C6orf136: variants seen among roughly 807,000 people sequenced by gnomAD.
The protein encoded by C6orf136 is chromosome 6 open reading frame 136.
Under a neutral mutation model 44.0 loss-of-function variants are expected in C6orf136, and 29 were observed. That is an observed-to-expected ratio of 0.66 (90% CI 0.49 to 0.90). C6orf136 has a LOEUF of 0.90. Ranked by LOEUF, C6orf136 falls within the 40% of genes least tolerant of loss-of-function variation. The pLI, the probability that C6orf136 is intolerant of heterozygous loss-of-function variation, is 0.00. For missense variants in C6orf136, 628 were observed against 669.3 expected, an observed-to-expected ratio of 0.94 and a Z score of 0.68; for synonymous variants, 293 against 278.6, an observed-to-expected ratio of 1.05 and a Z score of -0.52.
At chr6:30,648,782 G>A (rs1240981916) in intron 1 of C6orf136, among the ~76,000 whole-genome samples, 2 of 149,232 alleles carry the variant, frequency 1.3e-5, no homozygotes, top group Non-Finnish European at 3.0e-5. Context: ...CGAGGTGGGC[G>A]GATTACCTGA....
At chr6:30,648,970 T>A (rs1230620846) in intron 1 of C6orf136, among the ~76,000 whole-genome samples, 1 of 150,674 alleles carries the variant, frequency 6.6e-6, no homozygotes, top group African/African-American at 2.4e-5. Flanking sequence ...TTCGCGCCAA[T>A]GCACTCCAGC....
intron 3 of C6orf136, 64 bp downstream of exon 3, chr6:30,651,146 C>A: frequency 6.4e-7 from 1 of 1,562,256 alleles, no homozygotes; most frequent in Non-Finnish European, 8.8e-7. Flanking sequence ...ATACATGACC[C>A]TTTTCACTTC....
In C6orf136 at chr6:30,652,925, TTGGAG is replaced by T. The variant is rs1767581300; in HGVS notation, c.*16_*20del. 6.2e-7 allele frequency: 1 copy of T among 1,608,936 alleles called. No homozygotes were observed. The highest frequency in any genetic ancestry group is 1.7e-5 in the Admixed American group (1 of 60,002). ...GTGTTCCAAGCCCTGATCCTTGACC[TTGGAG>T]TGGAGGCAGCACTGAAGACTGCTAC... On this transcript the variant is annotated 3_prime_UTR_variant, in exon 6 of 6. Transcript: ENST00000651131.
intron 1 of C6orf136, 66 bp from the exon 2 acceptor site, chr6:30,649,492 C>A (rs1582906586): frequency 6.9e-7 from 1 of 1,446,458 alleles, no homozygotes; most frequent in Non-Finnish European, 9.3e-7. Flanking sequence ...TGTTGAGCAT[C>A]CAGGGGATCA....
rs1415709375 is a variant in C6orf136 at position 30,649,658 on chromosome 6, C to G, written c.716C>G (p.Pro239Arg). Reference protein sequence around the residue: ...SSPLFWSPLPPRLPTQRLPQV... With the variant: ...SSPLFWSPLPRRLPTQRLPQV... ...CCTCTATTCTGGTCTCCCCTGCCCC[C>G]ACGCCTTCCCACCCAGCGTCTTCCC... The change falls in exon 2 of 6, where the codon CCA becomes CGA. Residue 239 changes from proline to arginine, a missense_variant. Coordinates refer to ENST00000651131, the MANE Select transcript of C6orf136 (RefSeq NM_001161376.2). 6.2e-7 allele frequency: 1 copy of G among 1,607,194 alleles called. No homozygotes were observed. The highest frequency in any genetic ancestry group is 1.7e-5 in the Admixed American group (1 of 57,400).
Position 30,647,427 on chromosome 6 carries a change from A to C in C6orf136, c.196A>C (p.Thr66Pro), listed in dbSNP as rs1766942146. ...GCAGAGACACCCGCCGCCCCTTCCCACCTGTGCCCTGCAGCGCGTGGACAG... is the reference window on the plus strand; with the variant it reads ...GCAGAGACACCCGCCGCCCCTTCCCCCCTGTGCCCTGCAGCGCGTGGACAG... The part of the protein sequence containing the change: ...QAQRHPPPLP[T>P]CALQRVDRLG... The change falls in exon 1 of 6, where the codon ACC becomes CCC. Residue 66 changes from threonine to proline, a missense_variant. Physicochemically the swap from Thr to Pro is conservative, Grantham distance 38. Transcript: ENST00000651131. This position sits in a 1 kb window ranked among gnomAD's most constrained non-coding sequence, Gnocchi z 4.8. The C allele has an allele frequency of 1.4e-6, 2 of 1,469,910 alleles. No individual in the cohort carries two copies. The highest frequency in any genetic ancestry group is 3.6e-4 in the Middle Eastern group (2 of 5,584). The allele number at this position is 1,469,910 out of a possible 1,614,324, so 91.1% of individuals were successfully genotyped here.
At position 30,649,962 on chromosome 6, in the gene C6orf136, A is replaced by C. The variant is rs1170721457; in HGVS notation, c.1017+3A>C. On this transcript the variant is annotated splice_donor_region_variant and intron_variant, in intron 2 of 5. Transcript: ENST00000651131. ...TGTATGAGAGACTGAGACAAGAGGT[A>C]AGTCAGTGCAAAAGTGGCCTTCGTC... 1 of 1,611,666 alleles carries C rather than the reference A, an allele frequency of 6.2e-7. No homozygotes were observed. The highest frequency in any genetic ancestry group is 8.5e-7 in the Non-Finnish European group (1 of 1,179,712).
intron 2 of C6orf136, among the ~76,000 whole-genome samples, chr6:30,650,749 C>T (rs1189960637): frequency 6.7e-6 from 1 of 150,182 alleles, no homozygotes; most frequent in African/African-American, 2.5e-5. Context: ...TACCTCTGCA[C>T]TCCAGCCTGG....
intron 3 of C6orf136, 35 bp from the exon 4 acceptor site, chr6:30,651,231 C>T (rs1767377576): frequency 6.2e-7 from 1 of 1,610,772 alleles, no homozygotes; most frequent in South Asian, 1.1e-5. Flanking sequence ...CTAATTCTGC[C>T]ATCATGAGAT....
intron 1 of C6orf136, among the ~76,000 whole-genome samples, chr6:30,648,670 G>C (rs1440914521): frequency 6.9e-6 from 1 of 145,194 alleles, no homozygotes; most frequent in Non-Finnish European, 1.5e-5. Context: ...AAAGTGCTGG[G>C]ATTACAGGCG....
chr6:30,649,694 C>A lies in C6orf136; in HGVS notation c.752C>A (p.Pro251Gln). The change falls in exon 2 of 6, where the codon CCA becomes CAA. Residue 251 changes from proline (P) to glutamine (Q), a missense_variant. Pro to Gln is a moderately conservative substitution (Grantham distance 76). Transcript: ENST00000651131. ...ACCCAGCGTCTTCCCCAGGTTCCCC[C>A]ACTACCTCTCCCTCAGATCCAGGCC... The part of the protein sequence containing the change: ...LPTQRLPQVP[P>Q]LPLPQIQALS... The A allele has an allele frequency of 6.2e-7, 1 of 1,611,978 alleles. No homozygotes were observed.
At chr6:30,649,984 C>T (rs765614940) in intron 2 of C6orf136, 25 bp downstream of exon 2, 8 of 1,603,802 alleles carry the variant, frequency 5.0e-6, no homozygotes, top group South Asian at 1.1e-5. Flanking sequence ...AAGTGGCCTT[C>T]GTCTACAGTG....
chr6:30,651,940 A>C (rs556124120), intron 4 of C6orf136, among the ~76,000 whole-genome samples: 3 of 152,240 alleles, frequency 2.0e-5, no homozygotes, highest in South Asian at 2.1e-4. Flanking sequence ...TGCCTAGCAC[A>C]TGGTAGGTAC....
chr6:30,652,061 G>A (rs1767472015), intron 4 of C6orf136, among the ~76,000 whole-genome samples: 1 of 151,062 alleles, frequency 6.6e-6, no homozygotes, highest in Admixed American at 6.6e-5. Flanking sequence ...GACCTGCCTG[G>A]CCAACATGGT....
intron 1 of C6orf136, 60 bp from the exon 2 acceptor site, chr6:30,649,498 G>A (rs956342896): frequency 4.0e-6 from 6 of 1,482,586 alleles, no homozygotes; most frequent in African/African-American, 1.4e-5. Flanking sequence ...GCATCCAGGG[G>A]ATCAAGGGGT....
At position 30,651,454 on chromosome 6, in the gene C6orf136, A is replaced by G; in HGVS notation, c.1295A>G (p.Asp432Gly). 1 of 1,607,848 alleles carries G rather than the reference A, an allele frequency of 6.2e-7. No individual in the cohort carries two copies. Among genetic ancestry groups the G allele is most frequent in the Non-Finnish European group, 8.5e-7 (1 of 1,179,964 alleles). Residue 432 changes from aspartate to glycine, a missense_variant, in exon 4 of 6, where the codon GAC becomes GGC. Asp to Gly is a moderately conservative substitution (Grantham distance 94). Coordinates refer to ENST00000651131, the MANE Select transcript of C6orf136 (RefSeq NM_001161376.2). ...TTGCGGTTCTACAAGCGTGACAAAG[A>G]CGAGCATTACCGGTAAGAGAGAAAT... The part of the protein sequence containing the change: ...LFLRFYKRDK[D>G]EHYRTYDAYS...
In C6orf136 at chr6:30,652,821, C is replaced by T; in HGVS notation, c.1397C>T (p.Pro466Leu). 1.9e-6 allele frequency: 3 copies of T among 1,613,074 alleles called. No individual in the cohort carries two copies. Among genetic ancestry groups the T allele is most frequent in the Non-Finnish European group, 1.7e-6 (2 of 1,180,032 alleles). The change falls in exon 6 of 6, where the codon CCT becomes CTT. Residue 466 changes from proline (P) to leucine (L), a missense_variant. Around this residue, in one of 2 missense-constraint regions of C6orf136, gnomAD observed 131 missense variants for 200.1 expected, o/e 0.65. Coordinates refer to ENST00000651131, the MANE Select transcript of C6orf136 (RefSeq NM_001161376.2). ...RLDKLMPSHS[P>L]PTPVKKLLVG... ...CTGCAGCTGATGCCTTCACACTCAC[C>T]TCCAACGCCTGTGAAGAAGCTGCTA...
chr6:30,652,823 CCAA>C lies in C6orf136; in HGVS notation c.1401_1403del (p.Thr468del). Reference sequence around the variant, plus strand: ...GCAGCTGATGCCTTCACACTCACCTCCAACGCCTGTGAAGAAGCTGCTAGTGGG... The same window carrying C: ...GCAGCTGATGCCTTCACACTCACCTCCGCCTGTGAAGAAGCTGCTAGTGGG... On this transcript the variant is annotated inframe_deletion, in exon 6 of 6. Coordinates refer to ENST00000651131, the MANE Select transcript of C6orf136 (RefSeq NM_001161376.2). The C allele has an allele frequency of 6.2e-7, 1 of 1,612,974 alleles. No homozygotes were observed.
intron 3 of C6orf136, 84 bp downstream of exon 3, chr6:30,651,166 T>C: frequency 6.4e-7 from 1 of 1,564,494 alleles, no homozygotes; most frequent in Non-Finnish European, 8.8e-7. Context: ...CCCAGAGAAG[T>C]TCCTAGACTG....
Sources: allele counts gnomAD v4.1 joint callset (sites outside exome capture counted in the v4.1 genomes callset), GRCh38; gene constraint gnomAD v4.1.1; regional missense constraint gnomAD v4.1.1; non-coding constraint Gnocchi (gnomAD v3.1); transcripts MANE v1.5; gene names NCBI Gene and HGNC (gene_info 2026-07-23, HGNC 2026-07-21).